PTPRN2: variants seen among roughly 807,000 people sequenced by gnomAD.
PTPRN2 encodes protein tyrosine phosphatase receptor type N2, also known as receptor-type tyrosine-protein phosphatase N2.
In PTPRN2, 74 loss-of-function variants were observed where a neutral mutation model predicts 118.8. That is an observed-to-expected ratio of 0.62 (90% CI 0.52 to 0.76). PTPRN2 has a LOEUF of 0.76. Ranked by LOEUF, PTPRN2 falls within the 30% of genes least tolerant of loss-of-function variation. The probability of loss-of-function intolerance (pLI) is 0.00; values close to 1 mark genes in which losing one functional copy is unlikely to be tolerated. For synonymous variants in PTPRN2, 641 were observed against 608.0 expected (o/e 1.05, Z -0.80); for missense variants, 1,481 against 1,394.4 (o/e 1.06, Z -0.99).
chr7:158,072,840 A>G (rs1428694934), intron 11 of PTPRN2, among the ~76,000 whole-genome samples: 1 of 152,240 alleles, frequency 6.6e-6, no homozygotes, highest in African/African-American at 2.4e-5. Flanking sequence ...GGCTGGCGGA[A>G]CATAATTTTT....
intron 2 of PTPRN2, among the ~76,000 whole-genome samples, chr7:158,346,378 C>A (rs146038534): frequency 6.6e-6 from 1 of 152,310 alleles, no homozygotes; most frequent in East Asian, 1.9e-4. Context: ...TGAGTAAGAT[C>A]ATGCGGTATT....
At chr7:158,400,464 T>A (rs914392058) in intron 2 of PTPRN2, among the ~76,000 whole-genome samples, 2 of 152,120 alleles carry the variant, frequency 1.3e-5, no homozygotes, top group Non-Finnish European at 2.9e-5. Flanking sequence ...TCACAGCCAT[T>A]AAGTCCAACG....
chr7:157,663,259 G>A (rs921798308), intron 13 of PTPRN2, among the ~76,000 whole-genome samples: 13 of 152,154 alleles, frequency 8.5e-5, no homozygotes, highest in African/African-American at 2.9e-4. Flanking sequence ...GGCTGTGCGC[G>A]TGGAAACCGT....
At chr7:158,032,641 A>G (rs1280901655) in intron 11 of PTPRN2, among the ~76,000 whole-genome samples, 1 of 152,068 alleles carries the variant, frequency 6.6e-6, no homozygotes, top group Non-Finnish European at 1.5e-5. Context: ...TTGTGCAGTG[A>G]GCAGTGAATT....
At chr7:158,202,949 C>T (rs1826749682) in intron 4 of PTPRN2, among the ~76,000 whole-genome samples, 1 of 152,066 alleles carries the variant, frequency 6.6e-6, no homozygotes, top group Admixed American at 6.5e-5. Flanking sequence ...AAATTCCAAT[C>T]TCGGCCAGAT....
intron 1 of PTPRN2, among the ~76,000 whole-genome samples, chr7:158,571,510 AAC>A (rs1828032913): frequency 6.8e-6 from 1 of 147,708 alleles, no homozygotes; most frequent in African/African-American, 2.5e-5. Flanking sequence ...AACAAAAAAA[AAC>A]ACACACCTAT....
intron 2 of PTPRN2, among the ~76,000 whole-genome samples, chr7:158,413,404 A>C (rs1161187740): frequency 6.6e-6 from 1 of 152,268 alleles, no homozygotes; most frequent in Non-Finnish European, 1.5e-5. Flanking sequence ...CAAAAAAATA[A>C]AACATTGTCT....
chr7:158,040,354 T>C (rs1585251434), intron 11 of PTPRN2, among the ~76,000 whole-genome samples: 1 of 151,346 alleles, frequency 6.6e-6, no homozygotes, highest in African/African-American at 2.4e-5. Flanking sequence ...CACACATGCA[T>C]ATACACATGC....
Position 157,576,734 on chromosome 7 carries a change from T to C in PTPRN2, c.2662A>G (p.Arg888Gly). 6.2e-7 allele frequency: 1 copy of C among 1,609,296 alleles called. No individual in the cohort carries two copies. Among genetic ancestry groups the C allele is most frequent in the Non-Finnish European group, 8.5e-7 (1 of 1,177,624 alleles). Residue 888 changes from arginine to glycine, a missense_variant, in exon 19 of 23, where the codon AGG becomes GGG. Transcript: ENST00000389418. The stretch of plus-strand genomic sequence containing the variant: ...TGCAGGTTCTTCAGATAGAAGCTCC[T>C]CACCAGGAAGTCCTCACACCAGATG... ...EHIWCEDFLV[R>G]SFYLKNLQTN...
At chr7:158,329,890 T>G (rs1438349212) in intron 2 of PTPRN2, among the ~76,000 whole-genome samples, 2 of 152,022 alleles carry the variant, frequency 1.3e-5, no homozygotes, top group African/African-American at 4.8e-5. Flanking sequence ...GAAAATGCGG[T>G]CACCATAGCT....
intron 12 of PTPRN2, among the ~76,000 whole-genome samples, chr7:157,849,515 C>G (rs181901958): frequency 1.4e-3 from 214 of 152,316 alleles, no homozygotes; most frequent in Non-Finnish European, 2.3e-3. Flanking sequence ...AGTGACCAGC[C>G]TGGGCCAACC....
chr7:157,943,537 G>C (rs919066742), intron 11 of PTPRN2, among the ~76,000 whole-genome samples: 2 of 151,884 alleles, frequency 1.3e-5, no homozygotes, highest in Admixed American at 6.6e-5. Context: ...GTTCCGAGGA[G>C]GCCCTGGACA....
At chr7:158,471,486 G>A (rs566205584) in intron 2 of PTPRN2, among the ~76,000 whole-genome samples, 10 of 152,268 alleles carry the variant, frequency 6.6e-5, no homozygotes, top group African/African-American at 1.9e-4. Context: ...TCAGGAGATC[G>A]AGACCAACCT....
intron 22 of PTPRN2, among the ~76,000 whole-genome samples, chr7:157,545,857 G>A (rs1283972763): frequency 1.3e-5 from 2 of 152,110 alleles, no homozygotes; most frequent in East Asian, 1.9e-4. Context: ...GACTTCCTCC[G>A]TTCAAAGGAG....
In PTPRN2 at chr7:158,522,305, GGA is replaced by G. The variant is rs1563389633; in HGVS notation, c.113-32522_113-32521del. On this transcript the variant is annotated intron_variant, in intron 1 of 22. Transcript: ENST00000389418. Reference sequence around the variant, plus strand: ...GGAGGGAGGTCCACGTCACAATGGTGGACTGTCCGGGTAGTGGCTCGGGAGGG... The same window carrying G: ...GGAGGGAGGTCCACGTCACAATGGTGCTGTCCGGGTAGTGGCTCGGGAGGG... Among the ~76,000 whole-genome samples the G allele has an allele frequency of 6.0e-4, 59 of 98,040 alleles. 10 individuals are homozygous for G. The highest frequency in any genetic ancestry group is 9.9e-3 in the Middle Eastern group (2 of 202). The allele number at this position is 98,040 out of a possible 152,430, so 64.3% of individuals were successfully genotyped here.
chr7:157,544,141 G>A (rs1263379120), intron 22 of PTPRN2, among the ~76,000 whole-genome samples: 2 of 142,858 alleles, frequency 1.4e-5, no homozygotes, highest in African/African-American at 2.7e-5. Flanking sequence ...GGAGAGAGGC[G>A]GAGAGAGACG....
chr7:158,099,782 A>C (rs955651088), intron 10 of PTPRN2, among the ~76,000 whole-genome samples: 1 of 636 alleles, frequency 1.6e-3, no homozygotes, highest in Non-Finnish European at 2.6e-3. Flanking sequence ...TCCTCCCCCC[A>C]ACACATCCCG....
intron 2 of PTPRN2, among the ~76,000 whole-genome samples, chr7:158,347,814 C>T (rs1021574316): frequency 2.6e-5 from 4 of 152,164 alleles, no homozygotes; most frequent in African/African-American, 9.7e-5. Context: ...CAGGTCTCAC[C>T]GTCTGGGTTA....
chr7:158,503,561 G>A (rs1487523147), intron 1 of PTPRN2, among the ~76,000 whole-genome samples: 2 of 152,230 alleles, frequency 1.3e-5, no homozygotes, highest in Non-Finnish European at 2.9e-5. Context: ...CACAAGAATG[G>A]AGGACTTGGA....
Sources: allele counts gnomAD v4.1 joint callset (sites outside exome capture counted in the v4.1 genomes callset), GRCh38; gene constraint gnomAD v4.1.1; transcripts MANE v1.5; gene names NCBI Gene and HGNC (gene_info 2026-07-23, HGNC 2026-07-21).